Variants in TET2 observed in about 807,000 individuals in gnomAD.
TET2 encodes the protein methylcytosine dioxygenase TET2.
TET2 carries 299 observed loss-of-function variants against 142.9 expected under a neutral mutation model. The ratio of observed to expected loss-of-function variants is 2.09; its 90% CI spans 1.90 to 2.30. The LOEUF is 2.30. Ranked by LOEUF, TET2 falls within the 30% of genes most tolerant of loss-of-function variation. The pLI, the probability that TET2 is intolerant of heterozygous loss-of-function variation, is 0.00. For missense variants in TET2, 2,418 were observed against 2,378.0 expected, an observed-to-expected ratio of 1.02 and a Z score of -0.35; for synonymous variants, 819 against 849.0, an observed-to-expected ratio of 0.96 and a Z score of 0.61.
intron 7 of TET2, among the ~76,000 whole-genome samples, chr4:105,260,962 CCA>C (rs1730393745): frequency 1.3e-5 from 2 of 151,880 alleles, no homozygotes; most frequent in Non-Finnish European, 2.9e-5. Context: ...TAAACCAAAT[CCA>C]GAGGATACCA....
rs144166825 is a variant in TET2, at chr4:105,259,550, C to A, written c.3804-69C>A. ...TCAAACTCATTTTGCATATAGACAC[C>A]TATAATATCAGCTGCACAGCCTATA... On this transcript the variant is annotated intron_variant, in intron 6 of 10. Transcript: ENST00000380013. 205 of 1,447,800 alleles carry A rather than the reference C, an allele frequency of 1.4e-4. 3 individuals carry two copies. In the East Asian group the frequency reaches 5.1e-3, roughly 36 times the overall value. The allele number at this position is 1,447,800 out of a possible 1,614,324, so 89.7% of individuals were successfully genotyped here. A position where few individuals can be genotyped will look rare whatever the true frequency, so the allele number is the denominator to read the frequency against.
chr4:105,227,732 A>G (rs531612350), intron 2 of TET2, among the ~76,000 whole-genome samples: 3 of 152,266 alleles, frequency 2.0e-5, no homozygotes, highest in African/African-American at 7.2e-5. Context: ...CACACAAATA[A>G]TCTCCATAGC....
intron 1 of TET2, among the ~76,000 whole-genome samples, chr4:105,176,174 A>G (rs1186923244): frequency 1.3e-5 from 2 of 152,122 alleles, no homozygotes; most frequent in Non-Finnish European, 2.9e-5. Context: ...TACACAAAAA[A>G]CCTACAGTTT....
chr4:105,249,612 ATT>A (rs1335558643), intron 6 of TET2, among the ~76,000 whole-genome samples: 1 of 152,148 alleles, frequency 6.6e-6, no homozygotes, highest in African/African-American at 2.4e-5. Context: ...AGAAAATGTT[ATT>A]GTCTTTTTAA....
In TET2 at chr4:105,276,654, C is replaced by T. The variant is rs1731237758; in HGVS notation, c.*135C>T. The T allele has an allele frequency of 9.7e-7, 1 of 1,028,310 alleles. No individual in the cohort carries two copies. The highest frequency in any genetic ancestry group is 2.6e-5 in the East Asian group (1 of 37,912). The allele number at this position is 1,028,310 out of a possible 1,614,324, so 63.7% of individuals were successfully genotyped here. The stretch of plus-strand genomic sequence containing the variant: ...ATGTGGTGGGAAAAACCTCAGCTCA[C>T]CAGCAACAAAAGAGGTTATCTTACC... On this transcript the variant is annotated 3_prime_UTR_variant, in exon 11 of 11. Coordinates refer to ENST00000380013, the MANE Select transcript of TET2 (RefSeq NM_001127208.3).
chr4:105,234,738 C>T lies in TET2; in HGVS notation c.796C>T (p.His266Tyr), dbSNP rs1205663969. The change falls in exon 3 of 11, where the codon CAC becomes TAC. Residue 266 changes from histidine (H) to tyrosine (Y), a missense_variant. His to Tyr is a moderately conservative substitution (Grantham distance 83). Coordinates refer to ENST00000380013, the MANE Select transcript of TET2 (RefSeq NM_001127208.3). ...TAATGAGTTGTCCTGTGAGATCACT[C>T]ACCCATCGCATACCTCAGGGCAGAT... ...ATNELSCEIT[H>Y]PSHTSGQINS... is the part of the protein sequence containing the mutation. 1 of 1,613,910 alleles carries T rather than the reference C, an allele frequency of 6.2e-7. No homozygotes were observed. Among genetic ancestry groups the T allele is most frequent in the East Asian group, 2.2e-5 (1 of 44,844 alleles).
rs765763602 is a variant in TET2 at position 105,236,778 on chromosome 4, A to C, written c.2836A>C (p.Thr946Pro). 1 of 1,614,162 alleles carries C rather than the reference A, an allele frequency of 6.2e-7. No individual in the cohort carries two copies. Among genetic ancestry groups the C allele is most frequent in the East Asian group, 2.2e-5 (1 of 44,874 alleles). Residue 946 changes from threonine (T) to proline (P), a missense_variant, in exon 3 of 11, where the codon ACT (threonine) becomes CCT (proline). Physicochemically the swap from Thr to Pro is conservative, Grantham distance 38. Coordinates refer to ENST00000380013, the MANE Select transcript of TET2 (RefSeq NM_001127208.3). ...CACTCAGACCCCTCCCCAGAAGGAC[A>C]CTCAAAAGCATGCTGCTCTAAGGTG... ...SHTQTPPQKD[T>P]QKHAALRWHL...
intron 2 of TET2, among the ~76,000 whole-genome samples, chr4:105,206,787 A>C (rs1345384420): frequency 6.6e-6 from 1 of 152,130 alleles, no homozygotes; most frequent in African/African-American, 2.4e-5. Context: ...ATATCTGCTC[A>C]TATGCTCCTG....
Position 105,235,882 on chromosome 4 carries a change from T to C in TET2, c.1940T>C (p.Val647Ala), listed in dbSNP as rs763505294. The C allele has an allele frequency of 3.7e-6, 6 of 1,613,924 alleles. No individual in the cohort carries two copies. In the East Asian group the frequency reaches 1.3e-4, roughly 36 times the overall value. ...EMNQGQSQGT[V>A]DQHLQFQKPS... is the part of the protein sequence containing the mutation. ...AATCAAGGGCAGTCCCAAGGTACAG[T>C]GGACCAACATCTCCAGTTCCAAAAA... is the stretch of plus-strand genomic sequence containing the variant. The change falls in exon 3 of 11, where the codon GTG (valine) becomes GCG (alanine). Residue 647 changes from valine to alanine, a missense_variant. Physicochemically the swap from Val to Ala is moderately conservative, Grantham distance 64. Transcript: ENST00000380013.
intron 1 of TET2, among the ~76,000 whole-genome samples, chr4:105,185,383 T>A (rs1217038664): frequency 6.6e-6 from 1 of 152,188 alleles, no homozygotes; most frequent in Non-Finnish European, 1.5e-5. Flanking sequence ...ATTTTGAAAA[T>A]TAGATGACTT....
At position 105,234,232 on chromosome 4, in the gene TET2, C is replaced by T; in HGVS notation, c.290C>T (p.Thr97Ile). 1.2e-6 allele frequency: 2 copies of T among 1,614,118 alleles called. No individual in the cohort carries two copies. The highest frequency in any genetic ancestry group is 8.5e-7 in the Non-Finnish European group (1 of 1,180,022). ...TTGCAAAATGGAGGAATAAAACGCA[C>T]AGTTAGTGAACCTTCTCTCTCTGGG... is the stretch of plus-strand genomic sequence containing the variant. Reference protein sequence around the residue: ...KCLQNGGIKRTVSEPSLSGLL... With the variant: ...KCLQNGGIKRIVSEPSLSGLL... The change falls in exon 3 of 11, where the codon ACA becomes ATA. Residue 97 changes from threonine (T) to isoleucine (I), a missense_variant. Coordinates refer to ENST00000380013, the MANE Select transcript of TET2 (RefSeq NM_001127208.3).
intron 1 of TET2, among the ~76,000 whole-genome samples, chr4:105,149,681 A>G (rs1021046650): frequency 1.3e-5 from 2 of 152,226 alleles, no homozygotes; most frequent in African/African-American, 4.8e-5. Context: ...TATTGAACTA[A>G]TCATCAATGA....
chr4:105,180,344 A>G (rs1725042886), intron 1 of TET2, among the ~76,000 whole-genome samples: 1 of 152,200 alleles, frequency 6.6e-6, no homozygotes, highest in Non-Finnish European at 1.5e-5. Flanking sequence ...ATACTTCCTC[A>G]TATTCCAAAA....
Position 105,171,549 on chromosome 4 carries a change from G to T in TET2, c.-192-18811G>T, listed in dbSNP as rs1378621989. The T allele has an allele frequency of 3.3e-5, 5 of 152,100 alleles. No homozygotes were observed. In the East Asian group the frequency reaches 9.6e-4, roughly 29 times the overall value. 9.4% of individuals were successfully genotyped at this position (152,100 alleles called of 1,614,324 possible). A position where few individuals can be genotyped will look rare whatever the true frequency, so the allele number is the denominator to read the frequency against. On this transcript the variant is annotated intron_variant, in intron 1 of 10. Coordinates refer to ENST00000380013, the MANE Select transcript of TET2 (RefSeq NM_001127208.3). Reference sequence around the variant, plus strand: ...ATTAGAATAAGAGAAAAAATTAGAGGTCAAAACAGTTTTCTTCAAACCAGT... The same window carrying T: ...ATTAGAATAAGAGAAAAAATTAGAGTTCAAAACAGTTTTCTTCAAACCAGT...
chr4:105,150,433 T>G (rs1172507206), intron 1 of TET2, among the ~76,000 whole-genome samples: 2 of 152,220 alleles, frequency 1.3e-5, no homozygotes, highest in Non-Finnish European at 1.5e-5. Flanking sequence ...GTAGACTGTT[T>G]TAATGTTATT....
In TET2 at chr4:105,237,321, C is replaced by T. The variant is rs1252636407; in HGVS notation, c.3379C>T (p.Gln1127Ter). The change falls in exon 3 of 11, where the codon CAA (glutamine) becomes TAA (stop). Residue 1127 changes from glutamine to a stop codon, truncating the protein, a stop_gained. Transcript: ENST00000380013. LOFTEE classifies it high-confidence loss of function. ...TTTATTGGATACACCTGTCAAGACTCAATATGATTTCCCATCTTGCAGATG... is the reference window on the plus strand; with the variant it reads ...TTTATTGGATACACCTGTCAAGACTTAATATGATTTCCCATCTTGCAGATG... Reference protein sequence around the residue: ...KNLLDTPVKTQYDFPSCRCVE... With the variant: ...KNLLDTPVKT 2.5e-6 allele frequency: 4 copies of T among 1,614,100 alleles called. No individual in the cohort carries two copies. Among genetic ancestry groups the T allele is most frequent in the Non-Finnish European group, 3.4e-6 (4 of 1,179,984 alleles).
chr4:105,234,443 A>G lies in TET2; in HGVS notation c.501A>G (p.Ser167=), dbSNP rs1026617847. Residue 167 remains serine, a synonymous_variant, in exon 3 of 11, where the codon TCA becomes TCG. Coordinates refer to ENST00000380013, the MANE Select transcript of TET2 (RefSeq NM_001127208.3). The part of the protein sequence containing the change: ...ENAVKDFTSF[S]THNCSGPENP... ...CAGTTAAAGATTTCACCAGTTTTTC[A>G]ACACATAACTGCAGTGGGCCTGAAA... is the stretch of plus-strand genomic sequence containing the variant. 5 of 1,613,892 alleles carry G rather than the reference A, an allele frequency of 3.1e-6. No individual in the cohort carries two copies. Among genetic ancestry groups the G allele is most frequent in the Non-Finnish European group, 4.2e-6 (5 of 1,180,006 alleles).
intron 1 of TET2, among the ~76,000 whole-genome samples, chr4:105,176,264 T>A (rs1724788694): frequency 6.6e-6 from 1 of 152,144 alleles, no homozygotes; most frequent in Non-Finnish European, 1.5e-5. Context: ...TCTTACCACT[T>A]TGTTTCCTAC....
At chr4:105,259,901 C>A in intron 7 of TET2, 132 bp downstream of exon 7, 1 of 801,106 alleles carries the variant, frequency 1.2e-6, no homozygotes, top group Non-Finnish European at 1.8e-6. Context: ...TAGATACACA[C>A]TATTTTTTAA....
Sources: gnomAD v4.1 joint callset for allele counts (sites outside exome capture counted in the v4.1 genomes callset) on GRCh38, gnomAD v4.1.1 for gene constraint, MANE v1.5 for transcripts, NCBI Gene and HGNC (gene_info 2026-07-23, HGNC 2026-07-21) for gene names.